RPS6KB1: variants seen among roughly 807,000 people sequenced by gnomAD.
RPS6KB1 encodes the protein ribosomal protein S6 kinase beta-1.
Under a neutral mutation model 70.2 loss-of-function variants are expected in RPS6KB1, and 12 were observed. The ratio of observed to expected loss-of-function variants is 0.17; its 90% CI spans 0.11 to 0.28. The LOEUF (loss-of-function observed/expected upper bound fraction) is 0.28. Ranked by LOEUF, RPS6KB1 falls within the 10% of genes least tolerant of loss-of-function variation. The pLI is 1.00. For missense variants in RPS6KB1, 270 were observed against 646.6 expected, an observed-to-expected ratio of 0.42 and a Z score of 6.32; for synonymous variants, 175 against 211.2, an observed-to-expected ratio of 0.83 and a Z score of 1.49.
chr17:59,936,149 T>TA, intron 10 of RPS6KB1, 66 bp from the exon 11 acceptor site: 3 of 1,467,784 alleles, frequency 2.0e-6, no homozygotes, highest in Non-Finnish European at 2.8e-6. Context: ...AAGCACAGTC[T>TA]AAAAAGGAAA....
In RPS6KB1 at chr17:59,934,476, G is replaced by A; in HGVS notation, c.822G>A (p.Val274=). ...ILMRSGHNRA[V]DWWSLGALMY... ...TGAGAAGTGGCCACAATCGTGCTGTGGATTGGTGGAGTTTGGGAGCATTAA... is the reference window on the plus strand; with the variant it reads ...TGAGAAGTGGCCACAATCGTGCTGTAGATTGGTGGAGTTTGGGAGCATTAA... The change falls in exon 9 of 15, where the codon GTG becomes GTA. Residue 274 remains valine (V), a synonymous_variant. Transcript: ENST00000225577. The surrounding 1 kb of genome is among the most constrained non-coding windows in gnomAD (Gnocchi z 4.8). The A allele has an allele frequency of 1.9e-6, 3 of 1,613,858 alleles. No homozygotes were observed. Among genetic ancestry groups the A allele is most frequent in the Non-Finnish European group, 2.5e-6 (3 of 1,179,806 alleles).
Position 59,934,860 on chromosome 17 carries a change from G to T in RPS6KB1, c.871-333G>T. On this transcript the variant is annotated intron_variant, in intron 9 of 14. Coordinates refer to ENST00000225577, the MANE Select transcript of RPS6KB1 (RefSeq NM_003161.4). The surrounding 1 kb of genome is among the most constrained non-coding windows in gnomAD (Gnocchi z 4.8). ...TGGTGGAAACACAGGCTTCCTTCCA[G>T]GACACTGCTACTTCCTCTGTCCTGT... is the stretch of plus-strand genomic sequence containing the variant. 2.7e-6 allele frequency: 1 copy of T among 374,780 alleles called. No individual in the cohort carries two copies. Among genetic ancestry groups the T allele is most frequent in the South Asian group, 3.7e-5 (1 of 26,850 alleles). The allele number at this position is 374,780 out of a possible 1,614,324, so 23.2% of individuals were successfully genotyped here. A position where few individuals can be genotyped will look rare whatever the true frequency, so the allele number is the denominator to read the frequency against.
intron 3 of RPS6KB1, among the ~76,000 whole-genome samples, chr17:59,913,496 A>G (rs950277189): frequency 2.0e-5 from 3 of 152,240 alleles, no homozygotes; most frequent in Non-Finnish European, 4.4e-5. Context: ...TGAATGTGCA[A>G]CACATGCACT....
intron 4 of RPS6KB1, among the ~76,000 whole-genome samples, chr17:59,920,952 C>T (rs2043230813): frequency 6.6e-6 from 1 of 152,202 alleles, no homozygotes; most frequent in Non-Finnish European, 1.5e-5. Flanking sequence ...CCCACCTCAG[C>T]CCCCTAAAGT....
intron 2 of RPS6KB1, 126 bp downstream of exon 2, chr17:59,910,737 T>C: frequency 1.6e-6 from 1 of 636,032 alleles, no homozygotes. Context: ...ATTTATCAAC[T>C]CGATGTATTG....
intron 4 of RPS6KB1, among the ~76,000 whole-genome samples, chr17:59,921,376 GA>G (rs1248468482): frequency 3.9e-5 from 6 of 152,052 alleles, no homozygotes; most frequent in Non-Finnish European, 8.8e-5. Flanking sequence ...CAAAAATAAT[GA>G]AAATAAAGAT....
chr17:59,936,108 A>T (rs1312516102), intron 10 of RPS6KB1, 107 bp from the exon 11 acceptor site: 3 of 1,025,256 alleles, frequency 2.9e-6, no homozygotes, highest in Non-Finnish European at 4.4e-6. Context: ...TGCCTGGCCA[A>T]TAAACTATAT....
chr17:59,922,459 A>T (rs2144882661), intron 4 of RPS6KB1, among the ~76,000 whole-genome samples: 1 of 151,090 alleles, frequency 6.6e-6, no homozygotes, highest in African/African-American at 2.4e-5. Flanking sequence ...CCCAAATATT[A>T]CTGTACTGTA....
intron 1 of RPS6KB1, among the ~76,000 whole-genome samples, chr17:59,895,057 G>A (rs1449663377): frequency 4.6e-5 from 7 of 150,882 alleles, no homozygotes; most frequent in Non-Finnish European, 1.0e-4. Context: ...GTCTTGCTCT[G>A]TCACCCAGGC....
chr17:59,912,652 A>G (rs1182309792), intron 2 of RPS6KB1, 32 bp from the exon 3 acceptor site: 2 of 1,600,730 alleles, frequency 1.2e-6, no homozygotes, highest in African/African-American at 2.7e-5. Flanking sequence ...AACTTTTTGC[A>G]AATTTATTTT....
intron 1 of RPS6KB1, among the ~76,000 whole-genome samples, chr17:59,902,858 A>G (rs893748426): frequency 6.6e-6 from 1 of 152,106 alleles, no homozygotes; most frequent in East Asian, 1.9e-4. Context: ...GATTATAGGC[A>G]TGAGCCACCT....
At chr17:59,917,681 T>C (rs569267710) in intron 4 of RPS6KB1, among the ~76,000 whole-genome samples, 11 of 152,276 alleles carry the variant, frequency 7.2e-5, no homozygotes, top group African/African-American at 2.6e-4. Context: ...CAAGCAGTTG[T>C]TCTGTTTTGG....
chr17:59,893,685 G>T lies in RPS6KB1; in HGVS notation c.141+360G>T. The T allele has an allele frequency of 1.3e-6, 1 of 758,658 alleles. No homozygotes were observed. Among genetic ancestry groups the T allele is most frequent in the Non-Finnish European group, 1.7e-6 (1 of 603,628 alleles). 47.0% of individuals were successfully genotyped at this position (758,658 alleles called of 1,614,324 possible). Reference sequence around the variant, plus strand: ...GGGGGCTGCTCTTGCTGGGTGTCCCGTAAGTGCAGGCGAAGTGTGGAGGGT... The same window carrying T: ...GGGGGCTGCTCTTGCTGGGTGTCCCTTAAGTGCAGGCGAAGTGTGGAGGGT... On this transcript the variant is annotated intron_variant, in intron 1 of 14. Coordinates refer to ENST00000225577, the MANE Select transcript of RPS6KB1 (RefSeq NM_003161.4). This position sits in a 1 kb window ranked among gnomAD's most constrained non-coding sequence, Gnocchi z 4.1.
intron 1 of RPS6KB1, among the ~76,000 whole-genome samples, chr17:59,905,599 G>T (rs2042218304): frequency 6.6e-6 from 1 of 151,068 alleles, no homozygotes; most frequent in Non-Finnish European, 1.5e-5. Context: ...CCGCCTCCTG[G>T]ATTCAAGCAA....
chr17:59,909,912 T>G (rs1175206202), intron 1 of RPS6KB1, among the ~76,000 whole-genome samples: 3 of 152,000 alleles, frequency 2.0e-5, no homozygotes, highest in African/African-American at 7.2e-5. Flanking sequence ...CTCGGAAGGC[T>G]GAGGCAGGGG....
chr17:59,910,782 C>T (rs2042586008), intron 2 of RPS6KB1, among the ~76,000 whole-genome samples, 171 bp downstream of exon 2: 1 of 152,036 alleles, frequency 6.6e-6, no homozygotes, highest in South Asian at 2.1e-4. Context: ...TATAACCTAT[C>T]AGAGTTTTGA....
intron 1 of RPS6KB1, among the ~76,000 whole-genome samples, chr17:59,908,196 A>G (rs1261135450): frequency 6.9e-6 from 1 of 144,088 alleles, no homozygotes; most frequent in African/African-American, 2.5e-5. Context: ...CAAAATATAC[A>G]TTTTTTTTTT....
chr17:59,911,787 G>C (rs1299751704), intron 2 of RPS6KB1, among the ~76,000 whole-genome samples: 1 of 151,692 alleles, frequency 6.6e-6, no homozygotes, highest in Non-Finnish European at 1.5e-5. Flanking sequence ...GTGGAGACAG[G>C]GTTTTACCAT....
chr17:59,936,374 T>C lies in RPS6KB1; in HGVS notation c.1042-90T>C. The C allele has an allele frequency of 8.6e-6, 13 of 1,516,294 alleles. No homozygotes were observed. The South Asian group carries it at 1.5e-4, about 18-fold the overall frequency. The allele number at this position is 1,516,294 out of a possible 1,614,324, so 93.9% of individuals were successfully genotyped here. ...TAGTTGCTTATAAGTTTAGCTTATT[T>C]TGTGACTTGTAACTTCAAAAAGGTG... On this transcript the variant is annotated intron_variant, in intron 11 of 14. Coordinates refer to ENST00000225577, the MANE Select transcript of RPS6KB1 (RefSeq NM_003161.4).
Sources: allele counts gnomAD v4.1 joint callset (sites outside exome capture counted in the v4.1 genomes callset), GRCh38; gene constraint gnomAD v4.1.1; non-coding constraint Gnocchi (gnomAD v3.1); transcripts MANE v1.5; gene names NCBI Gene and HGNC (gene_info 2026-07-23, HGNC 2026-07-21).